Variants in EPHB2 observed in about 807,000 individuals in gnomAD.
EPHB2 encodes the protein ephrin type-B receptor 2.
EPHB2 carries 18 observed loss-of-function variants against 96.4 expected under a neutral mutation model. The ratio of observed to expected loss-of-function variants is 0.19; its 90% CI spans 0.13 to 0.28. EPHB2 has a LOEUF of 0.28. EPHB2 is among the 10% of genes least tolerant of loss of function. EPHB2 has a pLI of 1.00. For missense variants in EPHB2, 989 were observed against 1,355.4 expected, an observed-to-expected ratio of 0.73 and a Z score of 4.25; for synonymous variants, 506 against 534.1, an observed-to-expected ratio of 0.95 and a Z score of 0.72.
rs771566382 is a variant in EPHB2, at chr1:22,858,183, T to C, written c.812-4854T>C. Among the ~76,000 whole-genome samples the C allele has an allele frequency of 6.6e-5, 10 of 151,580 alleles. No homozygotes were observed. Among genetic ancestry groups the C allele is most frequent in the Non-Finnish European group, 1.2e-4 (8 of 67,876 alleles). On this transcript the variant is annotated intron_variant, in intron 3 of 15. Coordinates refer to ENST00000374630, the MANE Select transcript of EPHB2 (RefSeq NM_017449.5). This position sits in a 1 kb window ranked among gnomAD's most constrained non-coding sequence, Gnocchi z 7.7. ...AACAGCTTGGCCAAAGGCCTGGAGG[T>C]GAGAGCGCATTCGATGACCACAGGC... is the stretch of plus-strand genomic sequence containing the variant.
At position 22,914,976 on chromosome 1, in the gene EPHB2, G is replaced by A. The variant is rs1640228659; in HGVS notation, c.*1406G>A. ...ACTTCCCAGGCAAATAGGCCCCTTT[G>A]AGGCTCCTGAGTGCCCTCAGATGGT... On this transcript the variant is annotated 3_prime_UTR_variant, in exon 16 of 16. Coordinates refer to ENST00000374630, the MANE Select transcript of EPHB2 (RefSeq NM_017449.5). 1 of 152,606 alleles carries A rather than the reference G, an allele frequency of 6.6e-6. No homozygotes were observed. The highest frequency in any genetic ancestry group is 1.5e-5 in the Non-Finnish European group (1 of 68,042). 9.5% of individuals were successfully genotyped at this position (152,606 alleles called of 1,614,324 possible).
chr1:22,753,295 C>A (rs1363618343), intron 1 of EPHB2, among the ~76,000 whole-genome samples: 2 of 152,146 alleles, frequency 1.3e-5, no homozygotes, highest in African/African-American at 2.4e-5. Flanking sequence ...AAATGGGGGT[C>A]CCTTACCAGA....
intron 1 of EPHB2, among the ~76,000 whole-genome samples, chr1:22,738,366 GAAT>G (rs1304047124): frequency 2.6e-5 from 4 of 152,190 alleles, no homozygotes; most frequent in African/African-American, 9.7e-5. Flanking sequence ...ATAGTCATGA[GAAT>G]AACAGTTTCT....
chr1:22,863,919 G>A (rs762292561), intron 4 of EPHB2, among the ~76,000 whole-genome samples: 1 of 152,036 alleles, frequency 6.6e-6, no homozygotes, highest in Non-Finnish European at 1.5e-5. Flanking sequence ...TAGAGACAGG[G>A]TCTCGCTATG....
chr1:22,754,496 A>G (rs1015250556), intron 1 of EPHB2, among the ~76,000 whole-genome samples: 1 of 151,914 alleles, frequency 6.6e-6, no homozygotes, highest in African/African-American at 2.4e-5. Flanking sequence ...GCTTCTGCAG[A>G]AGGGAGGACA....
intron 1 of EPHB2, among the ~76,000 whole-genome samples, chr1:22,736,220 A>T (rs1176030187): frequency 6.6e-6 from 1 of 151,512 alleles, no homozygotes; most frequent in Non-Finnish European, 1.5e-5. Flanking sequence ...TGCTCAGGAG[A>T]CCTCCCTTTC....
chr1:22,775,130 GT>G, intron 1 of EPHB2: 1 of 772,428 alleles, frequency 1.3e-6, no homozygotes, highest in Non-Finnish European at 2.4e-6. Context: ...TGACTTTGTT[GT>G]TTTGTGTTGT....
At chr1:22,757,084 T>C (rs111596598) in intron 1 of EPHB2, among the ~76,000 whole-genome samples, 73 of 152,274 alleles carry the variant, frequency 4.8e-4, no homozygotes, top group Non-Finnish European at 9.6e-4. Flanking sequence ...TTTTTTCACT[T>C]ACAAACTTTT....
chr1:22,785,912 G>A (rs937451389), intron 3 of EPHB2, among the ~76,000 whole-genome samples: 3 of 152,246 alleles, frequency 2.0e-5, no homozygotes, highest in Admixed American at 1.3e-4. Flanking sequence ...GAGGCTCAGA[G>A]AGCTTAAACA....
At chr1:22,899,149 T>G (rs1639667711) in intron 9 of EPHB2, among the ~76,000 whole-genome samples, 1 of 144,334 alleles carries the variant, frequency 6.9e-6, no homozygotes, top group Non-Finnish European at 1.5e-5. Flanking sequence ...GCCGAGATTG[T>G]GCCATTGCAC....
chr1:22,864,461 T>A (rs1484829967), intron 4 of EPHB2, among the ~76,000 whole-genome samples: 1 of 152,176 alleles, frequency 6.6e-6, no homozygotes, highest in Admixed American at 6.5e-5. Flanking sequence ...TCTGTCTCTT[T>A]TTAAAGAAAC....
At chr1:22,736,357 C>T (rs916354431) in intron 1 of EPHB2, among the ~76,000 whole-genome samples, 1 of 152,184 alleles carries the variant, frequency 6.6e-6, no homozygotes, top group African/African-American at 2.4e-5. Context: ...TGGTGCTGGG[C>T]CCAGAGACGT....
At chr1:22,832,971 A>G (rs1192905488) in intron 3 of EPHB2, among the ~76,000 whole-genome samples, 1 of 152,188 alleles carries the variant, frequency 6.6e-6, no homozygotes, top group Non-Finnish European at 1.5e-5. Context: ...ATGTTCTGGA[A>G]CATGAATTGT....
chr1:22,896,593 GTGGT>G, intron 9 of EPHB2, 115 bp downstream of exon 9: 1 of 1,405,928 alleles, frequency 7.1e-7, no homozygotes, highest in East Asian at 2.3e-5. Context: ...ACAATGTCAA[GTGGT>G]TGCCTGGTTG....
rs1484404686 is a variant in EPHB2 at position 22,919,505 on chromosome 1, C to A, written c.*5935C>A. The A allele has an allele frequency of 6.6e-6, 1 of 152,384 alleles. No individual in the cohort carries two copies. Among genetic ancestry groups the A allele is most frequent in the South Asian group, 2.1e-4 (1 of 4,834 alleles). The allele number at this position is 152,384 out of a possible 1,614,324, so 9.4% of individuals were successfully genotyped here. A position where few individuals can be genotyped will look rare whatever the true frequency, so the allele number is the denominator to read the frequency against. ...GCCACCCTGGGAGACCCCACAGACCCCAAGGCTATGGTCCAGACCTGTTCA... is the reference window on the plus strand; with the variant it reads ...GCCACCCTGGGAGACCCCACAGACCACAAGGCTATGGTCCAGACCTGTTCA... On this transcript the variant is annotated 3_prime_UTR_variant, in exon 16 of 16. Coordinates refer to ENST00000374630, the MANE Select transcript of EPHB2 (RefSeq NM_017449.5).
intron 5 of EPHB2, among the ~76,000 whole-genome samples, chr1:22,867,364 G>A (rs536640413): frequency 4.6e-5 from 7 of 152,304 alleles, no homozygotes; most frequent in African/African-American, 1.7e-4. Context: ...GTGTATTTGA[G>A]CATGAGTTTG....
At chr1:22,771,492 A>C (rs1286131304) in intron 1 of EPHB2, among the ~76,000 whole-genome samples, 1 of 152,220 alleles carries the variant, frequency 6.6e-6, no homozygotes, top group Non-Finnish European at 1.5e-5. Flanking sequence ...AGAACCACTC[A>C]GAAGGGGTGC....
At chr1:22,814,082 G>T (rs1230153158) in intron 3 of EPHB2, among the ~76,000 whole-genome samples, 2 of 152,074 alleles carry the variant, frequency 1.3e-5, no homozygotes, top group Non-Finnish European at 2.9e-5. Context: ...TGAGGCAGGA[G>T]ACTCTTGAAC....
At chr1:22,794,804 C>T (rs575456362) in intron 3 of EPHB2, among the ~76,000 whole-genome samples, 3 of 152,156 alleles carry the variant, frequency 2.0e-5, no homozygotes, top group Non-Finnish European at 2.9e-5. Context: ...ACCCTGAAAA[C>T]ACATAGGCTG....
Sources: gnomAD v4.1 joint callset for allele counts (sites outside exome capture counted in the v4.1 genomes callset) on GRCh38, gnomAD v4.1.1 for gene constraint, Gnocchi (gnomAD v3.1) non-coding constraint, MANE v1.5 for transcripts, NCBI Gene and HGNC (gene_info 2026-07-23, HGNC 2026-07-21) for gene names.